LIG3: variants seen among roughly 807,000 people sequenced by gnomAD.
The protein encoded by LIG3 is ligase II, DNA, ATP-dependent.
In LIG3, 58 loss-of-function variants were observed where a neutral mutation model predicts 110.9. The observed-to-expected ratio is 0.52, with a 90% CI of 0.42 to 0.65. LIG3 has a LOEUF of 0.65. Among genes scored for constraint, LIG3 ranks in the 30% least tolerant of loss-of-function variants. The pLI, the probability that LIG3 is intolerant of heterozygous loss-of-function variation, is 0.00. For missense variants in LIG3, 1,094 were observed against 1,273.8 expected, an observed-to-expected ratio of 0.86 and a Z score of 2.15; for synonymous variants, 422 against 472.8, an observed-to-expected ratio of 0.89 and a Z score of 1.39.
chr17:34,984,698 C>CA (rs1430969592), intron 2 of LIG3, among the ~76,000 whole-genome samples: 1 of 149,654 alleles, frequency 6.7e-6, no homozygotes, highest in Non-Finnish European at 1.5e-5. Flanking sequence ...AGTGTAGTGG[C>CA]ACTATCCTGT....
intron 17 of LIG3, 46 bp from the exon 18 acceptor site, chr17:35,001,863 C>G (rs770630544): frequency 1.2e-5 from 19 of 1,560,214 alleles, no homozygotes; most frequent in South Asian, 3.5e-5. Context: ...TGAGGCCAGA[C>G]TGGGAAGGCA....
intron 2 of LIG3, among the ~76,000 whole-genome samples, chr17:34,985,728 G>A (rs2090647729): frequency 1.3e-5 from 2 of 152,206 alleles, no homozygotes; most frequent in Non-Finnish European, 2.9e-5. Flanking sequence ...AGTGGAGAAT[G>A]TTGATGAAAA....
intron 2 of LIG3, 65 bp downstream of exon 2, chr17:34,983,617 A>G: frequency 7.0e-7 from 1 of 1,423,080 alleles, no homozygotes; most frequent in Non-Finnish European, 9.5e-7. Context: ...AAGGAGTTCA[A>G]CTGCTTTCTT....
intron 9 of LIG3, among the ~76,000 whole-genome samples, chr17:34,995,143 C>T (rs992511099): frequency 6.6e-6 from 1 of 152,226 alleles, no homozygotes; most frequent in Non-Finnish European, 1.5e-5. Flanking sequence ...AACTCAGACT[C>T]AGTTTTTCAG....
intron 3 of LIG3, among the ~76,000 whole-genome samples, chr17:34,989,014 CT>C (rs34029311): frequency 3.9e-4 from 58 of 147,764 alleles, no homozygotes; most frequent in Middle Eastern, 3.5e-3. Flanking sequence ...CTTCTGACCA[CT>C]TTTTTTTTTT....
chr17:35,005,285 C>T lies in LIG3; in HGVS notation c.*779C>T, dbSNP rs774648528. The T allele has an allele frequency of 6.0e-5, 32 of 534,914 alleles. No individual in the cohort carries two copies. The highest frequency in any genetic ancestry group is 1.1e-4 in the Non-Finnish European group (28 of 264,966). 33.1% of individuals were successfully genotyped at this position (534,914 alleles called of 1,614,324 possible). ...ATGGGGCTTGAGGCCAAGAACAGCCCTTGTTGCCACCAACATGGAGACTTT... is the reference window on the plus strand; with the variant it reads ...ATGGGGCTTGAGGCCAAGAACAGCCTTTGTTGCCACCAACATGGAGACTTT... On this transcript the variant is annotated 3_prime_UTR_variant, in exon 20 of 20. Transcript: ENST00000378526.
intron 17 of LIG3, 131 bp downstream of exon 17, chr17:35,001,534 C>A: frequency 1.0e-6 from 1 of 953,602 alleles, no homozygotes; most frequent in Non-Finnish European, 1.6e-6. Context: ...GCAAGGAGGG[C>A]AATTAGAGAG....
chr17:34,994,496 C>G (rs983160259), intron 9 of LIG3, 65 bp downstream of exon 9: 2 of 1,519,208 alleles, frequency 1.3e-6, no homozygotes, highest in Non-Finnish European at 1.8e-6. Flanking sequence ...ACCTCAGGGC[C>G]AGAGTCCCAT....
In LIG3 at chr17:34,983,431, C is replaced by T. The variant is rs764933003; in HGVS notation, c.426C>T (p.Cys142=). The change falls in exon 2 of 20, where the codon TGC becomes TGT. Residue 142 remains cysteine (C), a synonymous_variant. Coordinates refer to ENST00000378526, the MANE Select transcript of LIG3 (RefSeq NM_013975.4). ...GDMKEWYHIK[C]MFEKLERARA... ...TGAAAGAGTGGTACCACATTAAATGCATGTTTGAGAAACTAGAGCGGGCCC... is the reference window on the plus strand; with the variant it reads ...TGAAAGAGTGGTACCACATTAAATGTATGTTTGAGAAACTAGAGCGGGCCC... 3 of 1,614,176 alleles carry T rather than the reference C, an allele frequency of 1.9e-6. No individual in the cohort carries two copies. The highest frequency in any genetic ancestry group is 2.7e-5 in the African/African-American group (2 of 75,030).
At chr17:34,983,915 T>C (rs1423352449) in intron 2 of LIG3, among the ~76,000 whole-genome samples, 1 of 152,270 alleles carries the variant, frequency 6.6e-6, no homozygotes, top group Non-Finnish European at 1.5e-5. Context: ...TTTTACTCTA[T>C]TTGCTTTATC....
chr17:34,998,861 C>A, intron 14 of LIG3, 134 bp downstream of exon 14: 1 of 1,136,362 alleles, frequency 8.8e-7, no homozygotes, highest in Non-Finnish European at 1.2e-6. Flanking sequence ...TCTAGGGCCC[C>A]AAGCTGGCCT....
In LIG3 at chr17:34,998,592, G is replaced by A; in HGVS notation, c.1990-12G>A. 2 of 1,613,594 alleles carry A rather than the reference G, an allele frequency of 1.2e-6. No individual in the cohort carries two copies. The highest frequency in any genetic ancestry group is 2.2e-5 in the South Asian group (2 of 91,004). On this transcript the variant is annotated splice_polypyrimidine_tract_variant and intron_variant, in intron 13 of 19. Transcript: ENST00000378526. ...CTTTCTATTCTGTGGTCTCTCTTTT[G>A]CTTCCCTTCAGGGTACATATGAGCC...
In LIG3 at chr17:34,989,492, C is replaced by G. The variant is rs1238974736; in HGVS notation, c.718C>G (p.Pro240Ala). 1 of 1,614,010 alleles carries G rather than the reference C, an allele frequency of 6.2e-7. No individual in the cohort carries two copies. Among genetic ancestry groups the G allele is most frequent in the African/African-American group, 1.3e-5 (1 of 75,006 alleles). The change falls in exon 4 of 20, where the codon CCC (proline) becomes GCC (alanine). Residue 240 changes from proline (P) to alanine (A), a missense_variant. By Grantham distance (27) the Pro-to-Ala change is conservative. Transcript: ENST00000378526. Reference protein sequence around the residue: ...SAKPNNSGEAPSSPTPKRSLS... With the variant: ...SAKPNNSGEAASSPTPKRSLS... Reference sequence around the variant, plus strand: ...CAAGCCCAACAACTCTGGGGAAGCCCCCTCGAGCCCCACCCCTAAGAGAAG... The same window carrying G: ...CAAGCCCAACAACTCTGGGGAAGCCGCCTCGAGCCCCACCCCTAAGAGAAG...
At position 34,994,350 on chromosome 17, in the gene LIG3, T is replaced by C. The variant is rs1383562724; in HGVS notation, c.1530T>C (p.Asp510=). The change falls in exon 9 of 20, where the codon GAT becomes GAC. Residue 510 remains aspartate, a synonymous_variant. Coordinates refer to ENST00000378526, the MANE Select transcript of LIG3 (RefSeq NM_013975.4). Reference sequence around the variant, plus strand: ...GCATGTTCTCTGAGATCAAGTACGATGGAGAGCGAGTCCAGGTGCATAAGA... The same window carrying C: ...GCATGTTCTCTGAGATCAAGTACGACGGAGAGCGAGTCCAGGTGCATAAGA... The part of the protein sequence containing the change: ...PNGMFSEIKY[D]GERVQVHKNG... 1.2e-6 allele frequency: 2 copies of C among 1,614,206 alleles called. No individual in the cohort carries two copies. Among genetic ancestry groups the C allele is most frequent in the South Asian group, 1.1e-5 (1 of 91,088 alleles).
rs1239333718 is a variant in LIG3, at chr17:34,991,665, A to C, written c.1042-6A>C. On this transcript the variant is annotated splice_region_variant and splice_polypyrimidine_tract_variant and intron_variant, in intron 5 of 19. Coordinates refer to ENST00000378526, the MANE Select transcript of LIG3 (RefSeq NM_013975.4). ...GCAGCAGTGGCATTTTGGTTTTTGGAGACAGGGTGACGTGTCAGAGACAAT... is the reference window on the plus strand; with the variant it reads ...GCAGCAGTGGCATTTTGGTTTTTGGCGACAGGGTGACGTGTCAGAGACAAT... 6.2e-7 allele frequency: 1 copy of C among 1,613,116 alleles called. No individual in the cohort carries two copies. The highest frequency in any genetic ancestry group is 8.5e-7 in the Non-Finnish European group (1 of 1,179,906).
chr17:34,997,454 T>C (rs1167409383), intron 11 of LIG3: 2 of 360,532 alleles, frequency 5.5e-6, no homozygotes, highest in Non-Finnish European at 5.3e-6. Flanking sequence ...CCAGAATTTA[T>C]ACAATCTGGG....
chr17:34,985,713 T>G (rs1483592578), intron 2 of LIG3, among the ~76,000 whole-genome samples: 2 of 152,192 alleles, frequency 1.3e-5, no homozygotes, highest in Non-Finnish European at 2.9e-5. Context: ...ACATATGGGA[T>G]AAGAAGTGGA....
intron 8 of LIG3, among the ~76,000 whole-genome samples, chr17:34,993,736 T>C (rs2090749657): frequency 6.6e-6 from 1 of 152,196 alleles, no homozygotes; most frequent in Non-Finnish European, 1.5e-5. Context: ...TGAGATTATG[T>C]ATGTGAAGCG....
chr17:34,993,753 A>G (rs1456263701), intron 8 of LIG3, among the ~76,000 whole-genome samples: 1 of 152,188 alleles, frequency 6.6e-6, no homozygotes. Flanking sequence ...AGCGCTCCCA[A>G]AATGGTAGCT....
Sources: allele counts gnomAD v4.1 joint callset (sites outside exome capture counted in the v4.1 genomes callset), GRCh38; gene constraint gnomAD v4.1.1; transcripts MANE v1.5; gene names NCBI Gene and HGNC (gene_info 2026-07-23, HGNC 2026-07-21).